Variants in ARHGEF16 observed in about 807,000 individuals in gnomAD.
ARHGEF16 encodes Rho guanine nucleotide exchange factor 16.
In ARHGEF16, 59 loss-of-function variants were observed where a neutral mutation model predicts 74.1. The ratio of observed to expected loss-of-function variants is 0.80; its 90% CI spans 0.65 to 0.99. The LOEUF is 0.99. ARHGEF16 is among the 50% of genes least tolerant of loss of function. The pLI is 0.00. For missense variants in ARHGEF16, 948 were observed against 986.6 expected, an observed-to-expected ratio of 0.96 and a Z score of 0.52; for synonymous variants, 415 against 412.6, an observed-to-expected ratio of 1.01 and a Z score of -0.07.
chr1:3,477,510 G>A (rs1307658809), intron 10 of ARHGEF16, among the ~76,000 whole-genome samples: 1 of 150,170 alleles, frequency 6.7e-6, no homozygotes, highest in Non-Finnish European at 1.5e-5. Context: ...GGCTGAGCAG[G>A]TCCTTGTGCC....
intron 6 of ARHGEF16, 40 bp downstream of exon 6, chr1:3,469,633 C>T: frequency 6.2e-7 from 1 of 1,608,690 alleles, no homozygotes; most frequent in Non-Finnish European, 8.5e-7. Context: ...GGTCCTCTGC[C>T]AGGAAGGTGC....
intron 1 of ARHGEF16, among the ~76,000 whole-genome samples, chr1:3,460,625 A>G (rs1569837629): frequency 1.3e-5 from 2 of 152,110 alleles, no homozygotes; most frequent in African/African-American, 2.4e-5. Context: ...TGTAGACAGA[A>G]GCCTAAAAGA....
At chr1:3,471,126 G>T (rs1409679916) in intron 6 of ARHGEF16, among the ~76,000 whole-genome samples, 1 of 151,866 alleles carries the variant, frequency 6.6e-6, no homozygotes, top group Non-Finnish European at 1.5e-5. Flanking sequence ...AGGGGTGTGT[G>T]TGCGTGGGTG....
intron 5 of ARHGEF16, among the ~76,000 whole-genome samples, chr1:3,469,169 G>A (rs1295325790): frequency 6.6e-6 from 1 of 152,178 alleles, no homozygotes; most frequent in Non-Finnish European, 1.5e-5. Flanking sequence ...TCCAGGGGCT[G>A]CCATCACCCC....
chr1:3,477,731 C>T, intron 10 of ARHGEF16, 144 bp from the exon 11 acceptor site: 1 of 735,012 alleles, frequency 1.4e-6, no homozygotes, highest in Non-Finnish European at 2.2e-6. Flanking sequence ...CGACTGAGGG[C>T]AGCCAGCTGG....
chr1:3,459,034 G>C (rs1369153872), intron 1 of ARHGEF16, among the ~76,000 whole-genome samples: 1 of 152,200 alleles, frequency 6.6e-6, no homozygotes, highest in African/African-American at 2.4e-5. Flanking sequence ...TCCAAAAAGA[G>C]AAAACAGAGT....
Position 3,463,548 on chromosome 1 carries a change from G to A in ARHGEF16, c.464G>A (p.Arg155Gln), listed in dbSNP as rs1031473979. ...LRRNLRNQSY[R>Q]AAMKGLGKPG... is the part of the protein sequence containing the mutation. ...CGGAACCTGCGGAACCAATCCTACC[G>A]GGCGGCCATGAAGGGCCTGGGGAAG... is the stretch of plus-strand genomic sequence containing the variant. The change falls in exon 2 of 15, where the codon CGG (arginine) becomes CAG (glutamine). Residue 155 changes from arginine (R) to glutamine (Q), a missense_variant. Transcript: ENST00000378378. 7.1e-5 allele frequency: 104 copies of A among 1,461,446 alleles called. No homozygotes were observed. The Middle Eastern group carries it at 7.2e-4, about 10-fold the overall frequency. 90.5% of individuals were successfully genotyped at this position (1,461,446 alleles called of 1,614,324 possible). A position where few individuals can be genotyped will look rare whatever the true frequency, so the allele number is the denominator to read the frequency against.
At chr1:3,478,229 G>A in intron 11 of ARHGEF16, 195 bp from the exon 12 acceptor site, 3 of 898,706 alleles carry the variant, frequency 3.3e-6, no homozygotes, top group African/African-American at 1.7e-5. Context: ...CTGCAGACCT[G>A]GGTCTGCCGG....
intron 14 of ARHGEF16, among the ~76,000 whole-genome samples, chr1:3,480,171 C>CA (rs1443820864): frequency 6.6e-6 from 1 of 152,220 alleles, no homozygotes; most frequent in Non-Finnish European, 1.5e-5. Context: ...CCAGGCCCAG[C>CA]ACGAGCCTGC....
chr1:3,470,854 G>T (rs1569861707), intron 6 of ARHGEF16, among the ~76,000 whole-genome samples: 2 of 148,768 alleles, frequency 1.3e-5, no homozygotes, highest in East Asian at 2.1e-4. Flanking sequence ...GCGTGGACAG[G>T]TGTGTGTGCG....
chr1:3,467,358 A>C, intron 4 of ARHGEF16, 21 bp downstream of exon 4: 3 of 1,540,260 alleles, frequency 1.9e-6, no homozygotes, highest in Non-Finnish European at 2.6e-6. Flanking sequence ...AGGGTGGGTG[A>C]GGCTGCCCCA....
At chr1:3,468,769 G>A in intron 4 of ARHGEF16, 111 bp from the exon 5 acceptor site, 1 of 1,257,940 alleles carries the variant, frequency 7.9e-7, no homozygotes, top group Non-Finnish European at 1.1e-6. Context: ...TGAGCCCTGT[G>A]GGGTGGCTGT....
At chr1:3,478,322 C>T in intron 11 of ARHGEF16, 102 bp from the exon 12 acceptor site, 1 of 1,318,112 alleles carries the variant, frequency 7.6e-7, no homozygotes, top group South Asian at 1.4e-5. Context: ...GTGGCTGCCT[C>T]CCCACCACTG....
At chr1:3,460,464 T>C (rs1639366846) in intron 1 of ARHGEF16, among the ~76,000 whole-genome samples, 1 of 152,022 alleles carries the variant, frequency 6.6e-6, no homozygotes, top group African/African-American at 2.4e-5. Flanking sequence ...TGGGGACATT[T>C]GTTTGGTGGG....
chr1:3,462,391 G>A (rs1639422115), intron 1 of ARHGEF16, among the ~76,000 whole-genome samples: 1 of 152,178 alleles, frequency 6.6e-6, no homozygotes, highest in South Asian at 2.1e-4. Flanking sequence ...TCACTGTGTG[G>A]CTAAGAGAGG....
chr1:3,456,733 C>T (rs1021005167), intron 1 of ARHGEF16, among the ~76,000 whole-genome samples: 54 of 152,252 alleles, frequency 3.5e-4, no homozygotes, highest in African/African-American at 1.1e-3. Context: ...GTCACCCACA[C>T]GGGCACCTGT....
At position 3,473,573 on chromosome 1, in the gene ARHGEF16, C is replaced by T. The variant is rs772650860; in HGVS notation, c.1305+51C>T. On this transcript the variant is annotated intron_variant, in intron 8 of 14. Transcript: ENST00000378378. ...CCGGGCATACCATCCTGGGGTCCCA[C>T]GGCCAGAGCCCTGCCCCGGATGGAG... 29 of 1,599,194 alleles carry T rather than the reference C, an allele frequency of 1.8e-5. 1 individual carries two copies. In the Middle Eastern group the frequency reaches 2.0e-3, roughly 109 times the overall value.
intron 10 of ARHGEF16, among the ~76,000 whole-genome samples, chr1:3,477,409 GAGGATGTTCTGTGGCTC>G: frequency 2.3e-5 from 1 of 42,998 alleles, no homozygotes; most frequent in South Asian, 1.2e-3. Context: ...AGGCAGCAGG[GAGGATGTTCTGTGGCTC>G]AGGAGCCAGG....
chr1:3,460,825 C>T (rs771467640), intron 1 of ARHGEF16, among the ~76,000 whole-genome samples: 30 of 152,228 alleles, frequency 2.0e-4, no homozygotes, highest in Admixed American at 4.6e-4. Context: ...TCCCGGCCAG[C>T]GTGGGGGCCG....
Sources: gnomAD v4.1 joint callset for allele counts (sites outside exome capture counted in the v4.1 genomes callset) on GRCh38, gnomAD v4.1.1 for gene constraint, MANE v1.5 for transcripts, NCBI Gene and HGNC (gene_info 2026-07-23, HGNC 2026-07-21) for gene names.